The following EPHA6 variants were observed in gnomAD, a reference collection of about 807,000 sequenced individuals.
EPHA6 encodes the protein ephrin type-A receptor 6.
EPHA6 carries 50 observed loss-of-function variants against 112.0 expected under a neutral mutation model. The observed-to-expected ratio is 0.45, with a 90% CI of 0.36 to 0.56. The LOEUF is 0.56. EPHA6 is among the 20% of genes least tolerant of loss of function. The pLI is 0.00. For missense variants in EPHA6, 1,280 were observed against 1,417.4 expected, an observed-to-expected ratio of 0.90 and a Z score of 1.56; for synonymous variants, 529 against 490.7, an observed-to-expected ratio of 1.08 and a Z score of -1.03.
intron 3 of EPHA6, among the ~76,000 whole-genome samples, chr3:97,032,109 A>G (rs1484680088): frequency 2.6e-5 from 4 of 152,208 alleles, no homozygotes; most frequent in African/African-American, 9.6e-5. Context: ...ATGGAATACT[A>G]TGCAGCCATA....
At chr3:97,357,238 G>A (rs1394969980) in intron 5 of EPHA6, among the ~76,000 whole-genome samples, 3 of 151,976 alleles carry the variant, frequency 2.0e-5, no homozygotes, top group Admixed American at 6.6e-5. Context: ...ATGGAGTCTC[G>A]CTCTGTCACC....
chr3:97,228,403 G>A (rs1413066617), intron 4 of EPHA6, among the ~76,000 whole-genome samples: 3 of 152,016 alleles, frequency 2.0e-5, no homozygotes, highest in African/African-American at 7.3e-5. Context: ...AGTTATGTGA[G>A]AACATATGAT....
At chr3:97,557,542 A>G (rs1004630091) in intron 11 of EPHA6, among the ~76,000 whole-genome samples, 3 of 151,954 alleles carry the variant, frequency 2.0e-5, no homozygotes, top group African/African-American at 7.2e-5. Flanking sequence ...TGTTCCCGAT[A>G]TATGTCTAAG....
intron 11 of EPHA6, among the ~76,000 whole-genome samples, chr3:97,565,194 C>T (rs1326413615): frequency 6.6e-6 from 1 of 151,650 alleles, no homozygotes; most frequent in African/African-American, 2.4e-5. Context: ...ACCTTCAAGG[C>T]TCCTACATTA....
chr3:97,042,374 A>G (rs955486386), intron 3 of EPHA6, among the ~76,000 whole-genome samples: 11 of 152,084 alleles, frequency 7.2e-5, no homozygotes, highest in Admixed American at 3.9e-4. Flanking sequence ...GAAGCTGAGC[A>G]GATGCCCAGG....
intron 10 of EPHA6, among the ~76,000 whole-genome samples, chr3:97,495,968 T>C (rs1577575494): frequency 6.6e-6 from 1 of 152,100 alleles, no homozygotes; most frequent in Admixed American, 6.6e-5. Flanking sequence ...TTTTCCCAGG[T>C]TTCCCCACCC....
Position 96,814,923 on chromosome 3 carries a change from C to T in EPHA6, c.300C>T (p.Val100=). 1 of 1,551,734 alleles carries T rather than the reference C, an allele frequency of 6.4e-7. No individual in the cohort carries two copies. The highest frequency in any genetic ancestry group is 8.7e-7 in the Non-Finnish European group (1 of 1,146,838). Residue 100 remains valine (V), a synonymous_variant, in exon 1 of 18, where the codon GTC becomes GTT. Coordinates refer to ENST00000389672, the MANE Select transcript of EPHA6 (RefSeq NM_001080448.3). Reference sequence around the variant, plus strand: ...GGAGAACCATGGGGGGCTGCGAAGTCCGGGAATTTCTTTTGCAATTTGGTT... The same window carrying T: ...GGAGAACCATGGGGGGCTGCGAAGTTCGGGAATTTCTTTTGCAATTTGGTT... The part of the protein sequence containing the change: ...EPRRTMGGCE[V]REFLLQFGFF...
At chr3:96,986,201 AC>A (rs1345500057) in intron 2 of EPHA6, among the ~76,000 whole-genome samples, 1 of 152,214 alleles carries the variant, frequency 6.6e-6, no homozygotes, top group East Asian at 1.9e-4. Flanking sequence ...GATAATATAA[AC>A]TGCTTTCAGG....
intron 1 of EPHA6, among the ~76,000 whole-genome samples, chr3:96,847,828 A>G (rs1206371165): frequency 2.6e-5 from 4 of 152,140 alleles, no homozygotes; most frequent in Non-Finnish European, 5.9e-5. Flanking sequence ...CAAGTAATCT[A>G]GGGGTAGGTA....
At chr3:96,978,141 C>T (rs1487890643) in intron 2 of EPHA6, among the ~76,000 whole-genome samples, 1 of 152,106 alleles carries the variant, frequency 6.6e-6, no homozygotes, top group Non-Finnish European at 1.5e-5. Flanking sequence ...ACCTGGGTAA[C>T]AGAGTGAGAC....
At chr3:97,303,459 G>A (rs1215945584) in intron 5 of EPHA6, among the ~76,000 whole-genome samples, 1 of 151,952 alleles carries the variant, frequency 6.6e-6, no homozygotes, top group Non-Finnish European at 1.5e-5. Context: ...GAGAGAGAGA[G>A]AGAATTTATG....
At chr3:97,140,990 C>A (rs527251402) in intron 3 of EPHA6, among the ~76,000 whole-genome samples, 4 of 151,844 alleles carry the variant, frequency 2.6e-5, no homozygotes, top group Admixed American at 2.0e-4. Context: ...GAAAGACATA[C>A]CATGCAAGCA....
chr3:97,258,271 CACAT>C (rs1322402364), intron 5 of EPHA6, among the ~76,000 whole-genome samples: 4 of 151,846 alleles, frequency 2.6e-5, no homozygotes, highest in African/African-American at 9.7e-5. Flanking sequence ...CACACACACA[CACAT>C]ACATAACATA....
intron 3 of EPHA6, among the ~76,000 whole-genome samples, chr3:97,208,991 T>A (rs9784278): frequency 0.25 from 37,776 of 152,120 alleles, 12,143 homozygotes; most frequent in African/African-American, 0.73. Flanking sequence ...GAATATTTTT[T>A]ATGTCTGCTT....
At chr3:97,344,501 G>A (rs1177100947) in intron 5 of EPHA6, among the ~76,000 whole-genome samples, 2 of 152,104 alleles carry the variant, frequency 1.3e-5, no homozygotes, top group Non-Finnish European at 2.9e-5. Context: ...TCTCCACCAT[G>A]TGAGGATACA....
chr3:97,342,226 A>G (rs1271492854), intron 5 of EPHA6, among the ~76,000 whole-genome samples: 1 of 152,206 alleles, frequency 6.6e-6, no homozygotes, highest in East Asian at 1.9e-4. Context: ...ATTTTTAAGT[A>G]AAAAATACCT....
chr3:97,164,729 A>G (rs969382285), intron 3 of EPHA6, among the ~76,000 whole-genome samples: 5 of 151,948 alleles, frequency 3.3e-5, no homozygotes, highest in African/African-American at 1.2e-4. Flanking sequence ...TCTTTTTTTC[A>G]TGATTAAGTC....
rs1176509943 is a variant in EPHA6, at chr3:97,751,970, C to T, written c.*3269C>T. On this transcript the variant is annotated 3_prime_UTR_variant, in exon 18 of 18. Transcript: ENST00000389672. ...TTGGAAAAAATGTGAAAACAATGTA[C>T]AATCAAGGAGAGAGATAAAGTATTT... 2.0e-5 allele frequency among the ~76,000 whole-genome samples: 3 copies of T among 152,056 alleles called. No individual in the cohort carries two copies. Among genetic ancestry groups the T allele is most frequent in the African/African-American group, 7.2e-5 (3 of 41,412 alleles).
chr3:96,974,180 AATT>A (rs1030331759), intron 2 of EPHA6, among the ~76,000 whole-genome samples: 4 of 146,742 alleles, frequency 2.7e-5, no homozygotes, highest in African/African-American at 7.4e-5. Flanking sequence ...CACTTATAAT[AATT>A]ACAAATAATA....
Sources: allele counts gnomAD v4.1 joint callset (sites outside exome capture counted in the v4.1 genomes callset), GRCh38; gene constraint gnomAD v4.1.1; transcripts MANE v1.5; gene names NCBI Gene and HGNC (gene_info 2026-07-23, HGNC 2026-07-21).